SHC4: variants seen among roughly 807,000 people sequenced by gnomAD.
The protein encoded by SHC4 is SHC adaptor protein 4.
SHC4 carries 41 observed loss-of-function variants against 69.4 expected under a neutral mutation model. The ratio of observed to expected loss-of-function variants is 0.59; its 90% CI spans 0.46 to 0.77. SHC4 has a LOEUF of 0.77. Among genes scored for constraint, SHC4 ranks in the 30% least tolerant of loss-of-function variants. The probability of loss-of-function intolerance (pLI) is 0.00; values close to 1 mark genes in which losing one functional copy is unlikely to be tolerated. For missense variants in SHC4, 777 were observed against 783.8 expected (o/e 0.99, Z 0.10); for synonymous variants, 318 against 299.3 (o/e 1.06, Z -0.64).
intron 2 of SHC4, 119 bp from the exon 3 acceptor site, chr15:48,890,930 C>T (rs1212418501): frequency 2.9e-6 from 3 of 1,049,070 alleles, no homozygotes; most frequent in Admixed American, 2.0e-5. Flanking sequence ...GTGAGTCTAA[C>T]ACAAATGGTA....
chr15:48,834,715 G>A, intron 11 of SHC4, 54 bp downstream of exon 11: 2 of 1,595,498 alleles, frequency 1.3e-6, no homozygotes, highest in Non-Finnish European at 1.7e-6. Context: ...ATCATTCAGG[G>A]TATGCTTAAT....
In SHC4 at chr15:48,834,899, G is replaced by A; in HGVS notation, c.1607C>T (p.Ala536Val). ...CCCATCCTTTACCAAGAGGCTCTCT[G>A]CCGCCTTCCTGCTCAGCTTGCCATG... The part of the protein sequence containing the change: ...CYHGKLSRKA[A>V]ESLLVKDGDF... The change falls in exon 11 of 12, where the codon GCA becomes GTA. Residue 536 changes from alanine (A) to valine (V), a missense_variant. Coordinates refer to ENST00000332408, the MANE Select transcript of SHC4 (RefSeq NM_203349.4). 1 of 1,614,106 alleles carries A rather than the reference G, an allele frequency of 6.2e-7. No homozygotes were observed. The highest frequency in any genetic ancestry group is 8.5e-7 in the Non-Finnish European group (1 of 1,180,014).
intron 10 of SHC4, among the ~76,000 whole-genome samples, chr15:48,840,334 C>T (rs1898968540): frequency 6.6e-6 from 1 of 152,164 alleles, no homozygotes; most frequent in Non-Finnish European, 1.5e-5. Flanking sequence ...GGGAATCTTT[C>T]TGCCATGTTT....
At chr15:48,859,831 A>G (rs1355944045) in intron 6 of SHC4, among the ~76,000 whole-genome samples, 1 of 152,200 alleles carries the variant, frequency 6.6e-6, no homozygotes, top group Admixed American at 6.5e-5. Context: ...AGACCTAAAA[A>G]GTACCCTTGG....
rs1302706885 is a variant in SHC4, at chr15:48,825,698, A to G, written c.*273T>C. On this transcript the variant is annotated 3_prime_UTR_variant, in exon 12 of 12. Transcript: ENST00000332408. ...ATTTTAGTTGTGCTTTTAGCTTGTTATCAATGCAATATGGCCTTAAAAAGT... is the reference window on the plus strand; with the variant it reads ...ATTTTAGTTGTGCTTTTAGCTTGTTGTCAATGCAATATGGCCTTAAAAAGT... 1.0e-5 allele frequency: 3 copies of G among 297,716 alleles called. No individual in the cohort carries two copies. In the East Asian group the frequency reaches 1.9e-4, roughly 19 times the overall value. The allele number at this position is 297,716 out of a possible 1,614,324, so 18.4% of individuals were successfully genotyped here. A position where few individuals can be genotyped will look rare whatever the true frequency, so the allele number is the denominator to read the frequency against.
chr15:48,909,318 G>C (rs1178886491), intron 2 of SHC4, among the ~76,000 whole-genome samples: 2 of 151,660 alleles, frequency 1.3e-5, no homozygotes, highest in Non-Finnish European at 2.9e-5. Flanking sequence ...TTGTAAAAGG[G>C]GTTGAGTTCT....
intron 1 of SHC4, chr15:48,947,320 A>G (rs1901293689): frequency 6.6e-6 from 1 of 152,206 alleles, no homozygotes; most frequent in African/African-American, 2.4e-5. Context: ...CCACTGATGG[A>G]TCAACAGGTA....
chr15:48,878,014 T>A, intron 4 of SHC4: 2 of 823,642 alleles, frequency 2.4e-6, no homozygotes, highest in South Asian at 4.1e-5. Flanking sequence ...AACACTGAGC[T>A]ACTCCAACCA....
intron 11 of SHC4, among the ~76,000 whole-genome samples, chr15:48,829,993 A>C (rs1407800886): frequency 6.6e-6 from 1 of 152,210 alleles, no homozygotes. Flanking sequence ...TTTTTAATCA[A>C]TTCAGCCACT....
chr15:48,890,898 CA>C (rs1416950349), intron 2 of SHC4, 87 bp from the exon 3 acceptor site: 1 of 1,371,130 alleles, frequency 7.3e-7, no homozygotes, highest in African/African-American at 1.4e-5. Flanking sequence ...TTATCACGAC[CA>C]AAAAGTACAC....
chr15:48,896,124 A>T (rs1460043856), intron 2 of SHC4, among the ~76,000 whole-genome samples: 1 of 151,846 alleles, frequency 6.6e-6, no homozygotes, highest in African/African-American at 2.4e-5. Context: ...TGAATTGGAG[A>T]CTCTAAGATG....
In SHC4 at chr15:48,909,142, A is replaced by G. The variant is rs573945109; in HGVS notation, c.656+15737T>C. ...GAATTTGTAGATTGCTTTTGGCAGT[A>G]TGGTCATTTTCACAATACTGATTCT... On this transcript the variant is annotated intron_variant, in intron 2 of 11. Transcript: ENST00000332408. Among the ~76,000 whole-genome samples the G allele has an allele frequency of 4.5e-4, 69 of 152,242 alleles. 1 individual carries two copies. The highest frequency in any genetic ancestry group is 1.6e-3 in the African/African-American group (68 of 41,556).
chr15:48,878,401 T>TG, intron 4 of SHC4: 1 of 1,612,120 alleles, frequency 6.2e-7, no homozygotes, highest in Non-Finnish European at 8.5e-7. Flanking sequence ...AACGGAGCCT[T>TG]GCTAACGGGC....
chr15:48,925,579 T>C (rs1900839524), intron 1 of SHC4, among the ~76,000 whole-genome samples: 1 of 152,226 alleles, frequency 6.6e-6, no homozygotes, highest in Admixed American at 6.5e-5. Flanking sequence ...AGGGGGTTCT[T>C]GACAGGACAA....
chr15:48,904,078 G>T (rs1195661424), intron 2 of SHC4, among the ~76,000 whole-genome samples: 1 of 152,074 alleles, frequency 6.6e-6, no homozygotes, highest in Non-Finnish European at 1.5e-5. Context: ...CTTCCAGAGA[G>T]AATTCACAAA....
chr15:48,848,054 C>G (rs1346777935), intron 9 of SHC4, among the ~76,000 whole-genome samples: 3 of 151,228 alleles, frequency 2.0e-5, no homozygotes, highest in Non-Finnish European at 4.4e-5. Context: ...AAAACATATG[C>G]CCAAGTAATC....
chr15:48,946,083 C>T (rs1472781891), intron 1 of SHC4: 3 of 152,150 alleles, frequency 2.0e-5, no homozygotes, highest in Non-Finnish European at 4.4e-5. Flanking sequence ...TCAATGATTG[C>T]CTAGTGATGT....
chr15:48,827,401 C>T (rs1359996926), intron 11 of SHC4, among the ~76,000 whole-genome samples: 2 of 152,204 alleles, frequency 1.3e-5, no homozygotes, highest in African/African-American at 4.8e-5. Context: ...GAAGAGGACA[C>T]AATGGCACCA....
At chr15:48,950,675 TAAG>T (rs1901351570) in intron 1 of SHC4, among the ~76,000 whole-genome samples, 1 of 152,110 alleles carries the variant, frequency 6.6e-6, no homozygotes, top group African/African-American at 2.4e-5. Context: ...CAGTTTGTGA[TAAG>T]AGGAGGCTGC....
Sources: gnomAD v4.1 joint callset for allele counts (sites outside exome capture counted in the v4.1 genomes callset) on GRCh38, gnomAD v4.1.1 for gene constraint, MANE v1.5 for transcripts, NCBI Gene and HGNC (gene_info 2026-07-23, HGNC 2026-07-21) for gene names.